Variants in MACF1 observed in about 807,000 individuals in gnomAD.
MACF1 encodes the protein microtubule actin crosslinking factor 1, also known as microtubule-actin cross-linking factor 1.
In MACF1, 193 loss-of-function variants were observed where a neutral mutation model predicts 854.8. The observed-to-expected ratio is 0.23, with a 90% CI of 0.20 to 0.25. MACF1 has a LOEUF of 0.25. Ranked by LOEUF, MACF1 falls within the 10% of genes least tolerant of loss-of-function variation. The probability of loss-of-function intolerance (pLI) is 1.00; values close to 1 mark genes in which losing one functional copy is unlikely to be tolerated. For missense variants in MACF1, 7,722 were observed against 8,929.1 expected, an observed-to-expected ratio of 0.86 and a Z score of 5.45; for synonymous variants, 3,185 against 3,226.7, an observed-to-expected ratio of 0.99 and a Z score of 0.44.
chr1:39,095,518 G>A lies in MACF1; in HGVS notation c.220+11080G>A, dbSNP rs532435482. On this transcript the variant is annotated intron_variant, in intron 2 of 93. Coordinates refer to the MACF1 transcript ENST00000361689. ...GAGGAGGTTGCAGTGAGCTGAGATC[G>A]CGCCACTGCACTCCAGCCTGGTGAC... Among the ~76,000 whole-genome samples, 79 of 140,546 alleles carry A rather than the reference G, an allele frequency of 5.6e-4. No individual in the cohort carries two copies. The South Asian group carries it at 0.015, about 28-fold the overall frequency. The allele number at this position is 140,546 out of a possible 152,430, so 92.2% of individuals were successfully genotyped here.
At chr1:39,156,739 A>G (rs911837905) in intron 2 of MACF1, among the ~76,000 whole-genome samples, 5 of 152,202 alleles carry the variant, frequency 3.3e-5, no homozygotes, top group Non-Finnish European at 1.5e-5. Flanking sequence ...GTTTTTTACT[A>G]TATCCTACTG....
chr1:39,167,362 G>A (rs1643892545), intron 2 of MACF1, among the ~76,000 whole-genome samples: 1 of 151,578 alleles, frequency 6.6e-6, no homozygotes, highest in African/African-American at 2.4e-5. Context: ...ATCACCTGAG[G>A]AGTTCAAGAC....
intron 42 of MACF1, 94 bp downstream of exon 42, chr1:39,349,721 C>G (rs1038720035): frequency 5.3e-6 from 7 of 1,332,234 alleles, no homozygotes; most frequent in Non-Finnish European, 7.1e-6. Context: ...CAGCTTCGAT[C>G]TCCTGGGCTC....
At chr1:39,102,480 A>C (rs1031832000) in intron 2 of MACF1, among the ~76,000 whole-genome samples, 3 of 151,994 alleles carry the variant, frequency 2.0e-5, no homozygotes, top group African/African-American at 7.3e-5. Context: ...TTTCAGCAGA[A>C]GCATGGGTAG....
intron 40 of MACF1, 121 bp from the exon 41 acceptor site, chr1:39,346,856 T>C (rs571516797): frequency 1.4e-6 from 1 of 696,896 alleles, no homozygotes; most frequent in Admixed American, 2.8e-5. Flanking sequence ...CTAGAATCAT[T>C]AGTGCCAGTT....
chr1:39,339,218 GCACTC>G (rs1277675016), intron 38 of MACF1, among the ~76,000 whole-genome samples: 1 of 152,104 alleles, frequency 6.6e-6, no homozygotes, highest in Non-Finnish European at 1.5e-5. Flanking sequence ...ATGCATCACT[GCACTC>G]CAGTCTGGGA....
At chr1:39,173,143 C>T (rs1360732794) in intron 2 of MACF1, among the ~76,000 whole-genome samples, 1 of 152,058 alleles carries the variant, frequency 6.6e-6, no homozygotes, top group African/African-American at 2.4e-5. Context: ...AGATCGAGAG[C>T]ATCCTGGCCA....
intron 2 of MACF1, among the ~76,000 whole-genome samples, chr1:39,156,939 T>A (rs1643701070): frequency 6.6e-6 from 1 of 151,212 alleles, no homozygotes; most frequent in Non-Finnish European, 1.5e-5. Context: ...AAAGCTTGGG[T>A]TGGTTATTAC....
chr1:39,484,121 C>G (rs939100078), intron 99 of MACF1, among the ~76,000 whole-genome samples: 11 of 152,210 alleles, frequency 7.2e-5, no homozygotes, highest in Admixed American at 1.3e-4. Flanking sequence ...CCACTGCACT[C>G]CAGCCTGGGT....
intron 23 of MACF1, among the ~76,000 whole-genome samples, chr1:39,309,267 T>G (rs1309790987): frequency 2.6e-5 from 4 of 152,104 alleles, no homozygotes; most frequent in African/African-American, 9.7e-5. Flanking sequence ...TTTAGTTTTT[T>G]TTTTTTTTTA....
At chr1:39,224,579 A>C (rs1338774981) in intron 1 of MACF1, among the ~76,000 whole-genome samples, 2 of 152,202 alleles carry the variant, frequency 1.3e-5, no homozygotes, top group Non-Finnish European at 2.9e-5. Context: ...AATCCAGGTC[A>C]CATAGAATAA....
Position 39,334,074 on chromosome 1 carries a change from C to G in MACF1, c.7486C>G (p.Arg2496Gly), listed in dbSNP as rs765652457. 1.6e-5 allele frequency: 26 copies of G among 1,614,122 alleles called. No homozygotes were observed. Among genetic ancestry groups the G allele is most frequent in the South Asian group, 2.2e-5 (2 of 91,076 alleles). Reference protein sequence around the residue: ...RGLLEREEAVRLLTKQVVDGG... With the variant: ...RGLLEREEAVGLLTKQVVDGG... ...TCTTTTGGAGAGAGAGGAGGCCGTT[C>G]GTTTGTTGACTAAGCAAGTGGTAGA... The change falls in exon 37 of 101, where the codon CGT becomes GGT. Residue 2496 changes from arginine (R) to glycine (G), a missense_variant. Transcript: ENST00000564288.
Position 39,485,551 on chromosome 1 carries a change from T to C in MACF1, c.22425T>C (p.Ser7475=). The C allele has an allele frequency of 6.2e-7, 1 of 1,613,000 alleles. No homozygotes were observed. The highest frequency in any genetic ancestry group is 8.5e-7 in the Non-Finnish European group (1 of 1,179,482). ...CTTGAATTCCAGACCCTAAAAAGTC[T>C]GCCAGTCGCCCTGGGAGTCGGGCTG... ...AKTNRADPKK[S]ASRPGSRAGS... The change falls in exon 101 of 101, where the codon TCT becomes TCC. Residue 7475 remains serine (S), a synonymous_variant. Transcript: ENST00000564288.
At chr1:39,263,777 T>C (rs1041758959) in intron 6 of MACF1, among the ~76,000 whole-genome samples, 11 of 131,606 alleles carry the variant, frequency 8.4e-5, no homozygotes, top group Non-Finnish European at 1.4e-4. Flanking sequence ...TTTTCTTTTT[T>C]TTTTTTTTTT....
chr1:39,207,392 T>G (rs1217304749), intron 1 of MACF1, among the ~76,000 whole-genome samples: 1 of 152,026 alleles, frequency 6.6e-6, no homozygotes, highest in African/African-American at 2.4e-5. Context: ...GTGATTCTCC[T>G]GCCTCAGTCT....
At chr1:39,208,974 G>A (rs986683789) in intron 1 of MACF1, among the ~76,000 whole-genome samples, 8 of 151,882 alleles carry the variant, frequency 5.3e-5, no homozygotes, top group Non-Finnish European at 1.0e-4. Flanking sequence ...AAATATGGCC[G>A]TGCGCAGTGG....
intron 5 of MACF1, among the ~76,000 whole-genome samples, chr1:39,257,270 ATC>A (rs1645107691): frequency 1.3e-5 from 2 of 151,968 alleles, no homozygotes; most frequent in Non-Finnish European, 2.9e-5. Context: ...TTGGATAGGG[ATC>A]TCAAGGGCAT....
chr1:39,249,944 A>C (rs992081023), intron 2 of MACF1, 70 bp from the exon 3 acceptor site: 6 of 773,668 alleles, frequency 7.8e-6, no homozygotes, highest in Non-Finnish European at 1.3e-5. Context: ...CTAGAACCAG[A>C]GATTTTTATG....
Position 39,434,559 on chromosome 1 carries a change from G to A in MACF1, c.17711G>A (p.Arg5904Gln), listed in dbSNP as rs747980625. 3.0e-5 allele frequency: 48 copies of A among 1,613,836 alleles called. No individual in the cohort carries two copies. Among genetic ancestry groups the A allele is most frequent in the Non-Finnish European group, 3.8e-5 (45 of 1,179,994 alleles). ...CTCAGCCCCTGGATTGAGGAAACTC[G>A]GGCACTAATAGCACAGTTACCCTCT... The part of the protein sequence containing the change: ...EELSPWIEET[R>Q]ALIAQLPSPA... Residue 5904 changes from arginine to glutamine, a missense_variant, in exon 69 of 101, where the codon CGG becomes CAG. Physicochemically the swap from Arg to Gln is conservative, Grantham distance 43. Coordinates refer to ENST00000564288, the MANE Select transcript of MACF1 (RefSeq NM_001394062.1).
Sources: gnomAD v4.1 joint callset for allele counts (sites outside exome capture counted in the v4.1 genomes callset) on GRCh38, gnomAD v4.1.1 for gene constraint, MANE v1.5 for transcripts, NCBI Gene and HGNC (gene_info 2026-07-23, HGNC 2026-07-21) for gene names.